SLC24A2: variants seen among roughly 807,000 people sequenced by gnomAD.
The protein encoded by SLC24A2 is sodium/potassium/calcium exchanger 2.
Under a neutral mutation model 62.0 loss-of-function variants are expected in SLC24A2, and 36 were observed. The ratio of observed to expected loss-of-function variants is 0.58; its 90% CI spans 0.44 to 0.77. The LOEUF (loss-of-function observed/expected upper bound fraction) is 0.77, where lower values mean the gene tolerates loss of function less well. SLC24A2 is among the 30% of genes least tolerant of loss of function. The pLI is 0.00. For synonymous variants in SLC24A2, 358 were observed against 294.0 expected, an observed-to-expected ratio of 1.22 and a Z score of -2.23; for missense variants, 846 against 817.9, an observed-to-expected ratio of 1.03 and a Z score of -0.42.
chr9:19,965,865 G>C, the SLC24A2 span, among the ~76,000 whole-genome samples: 5 of 152,106 alleles, frequency 3.3e-5, no homozygotes, highest in African/African-American at 1.2e-4. Context: ...CTTGAGACTG[G>C]AATGATCCTC....
the SLC24A2 span, among the ~76,000 whole-genome samples, chr9:20,229,780 C>T: frequency 7.9e-5 from 12 of 151,790 alleles, no homozygotes; most frequent in South Asian, 4.2e-4. Context: ...CTGTGCACAA[C>T]GTGCAGGTTT....
the SLC24A2 span, among the ~76,000 whole-genome samples, chr9:20,160,407 A>T: frequency 6.6e-6 from 1 of 151,508 alleles, no homozygotes; most frequent in Admixed American, 6.6e-5. Context: ...AAAATAAGTA[A>T]GGTTATAAAA....
At chr9:19,788,738 A>G (rs1823254180) in intron 1 of SLC24A2, 147 bp downstream of exon 1, 2 of 985,382 alleles carry the variant, frequency 2.0e-6, no homozygotes, top group South Asian at 9.4e-5. Context: ...AGAGTTGGCT[A>G]ACTCCTAGCG....
intron 2 of SLC24A2, among the ~76,000 whole-genome samples, chr9:19,690,084 C>A (rs1404855137): frequency 6.6e-6 from 1 of 152,118 alleles, no homozygotes; most frequent in Non-Finnish European, 1.5e-5. Context: ...GATGCCAGAT[C>A]ATGTGATTTC....
chr9:20,261,299 G>C, the SLC24A2 span, among the ~76,000 whole-genome samples: 1 of 152,028 alleles, frequency 6.6e-6, no homozygotes, highest in South Asian at 2.1e-4. Context: ...AAACTGAAAT[G>C]TATTTAGCTC....
chr9:19,741,475 A>G (rs1375729232), intron 2 of SLC24A2, among the ~76,000 whole-genome samples: 1 of 151,824 alleles, frequency 6.6e-6, no homozygotes, highest in Non-Finnish European at 1.5e-5. Flanking sequence ...CAGCCTCAAC[A>G]CTCTCTGCTC....
intron 2 of SLC24A2, among the ~76,000 whole-genome samples, chr9:19,663,337 A>G (rs549818658): frequency 1.3e-5 from 2 of 152,342 alleles, no homozygotes; most frequent in East Asian, 3.9e-4. Context: ...GTTCTAGAGC[A>G]GAAGCCTTCC....
chr9:20,186,428 CATCT>C, the SLC24A2 span, among the ~76,000 whole-genome samples: 1 of 152,152 alleles, frequency 6.6e-6, no homozygotes. Context: ...CTCTCTTCAC[CATCT>C]GTCTTCCTGG....
chr9:20,219,365 G>C, the SLC24A2 span, among the ~76,000 whole-genome samples: 3 of 152,166 alleles, frequency 2.0e-5, no homozygotes, highest in African/African-American at 7.2e-5. Flanking sequence ...GCTGGAGTTG[G>C]ACACTGACTT....
chr9:19,753,586 T>C (rs770391658), intron 2 of SLC24A2, among the ~76,000 whole-genome samples: 1 of 152,234 alleles, frequency 6.6e-6, no homozygotes, highest in Non-Finnish European at 1.5e-5. Context: ...ATTTCATTAC[T>C]GTGAGCAGTA....
chr9:19,706,410 C>T (rs1220684208), intron 2 of SLC24A2, among the ~76,000 whole-genome samples: 11 of 137,940 alleles, frequency 8.0e-5, no homozygotes, highest in South Asian at 4.6e-4. Flanking sequence ...GACGGAGTTT[C>T]GCTCTGTCGC....
At chr9:19,667,956 A>C (rs1819304351) in intron 2 of SLC24A2, among the ~76,000 whole-genome samples, 1 of 152,140 alleles carries the variant, frequency 6.6e-6, no homozygotes, top group South Asian at 2.1e-4. Context: ...CCATCTCAGC[A>C]GCCCTTTTGT....
At chr9:20,210,655 T>C in the SLC24A2 span, among the ~76,000 whole-genome samples, 1 of 37,876 alleles carries the variant, frequency 2.6e-5, no homozygotes, top group Admixed American at 2.2e-4. Context: ...TTTTTTTTTT[T>C]TTTTTTTTTT....
the SLC24A2 span, among the ~76,000 whole-genome samples, chr9:19,975,814 T>A: frequency 6.6e-6 from 1 of 152,180 alleles, no homozygotes; most frequent in Non-Finnish European, 1.5e-5. Flanking sequence ...GCCCTCCATA[T>A]CTGTGGGCCT....
At chr9:19,529,994 C>A (rs903583118) in intron 8 of SLC24A2, among the ~76,000 whole-genome samples, 2 of 151,666 alleles carry the variant, frequency 1.3e-5, no homozygotes, top group African/African-American at 4.8e-5. Flanking sequence ...CTCAGATGAT[C>A]TGCCTGCTTC....
the SLC24A2 span, among the ~76,000 whole-genome samples, chr9:20,203,846 T>C: frequency 3.3e-5 from 5 of 152,334 alleles, no homozygotes; most frequent in East Asian, 9.6e-4. Context: ...GCCTATGGTA[T>C]ATGCATATCA....
At chr9:19,794,153 C>G in the SLC24A2 span, among the ~76,000 whole-genome samples, 1 of 152,184 alleles carries the variant, frequency 6.6e-6, no homozygotes, top group Non-Finnish European at 1.5e-5. Context: ...CATGATTGCT[C>G]TTTCTTCTTT....
chr9:20,068,044 T>C, the SLC24A2 span, among the ~76,000 whole-genome samples: 3 of 151,558 alleles, frequency 2.0e-5, no homozygotes, highest in Admixed American at 1.3e-4. Context: ...CCAACATCTG[T>C]TATTTTTTGA....
chr9:20,013,276 T>C, the SLC24A2 span, among the ~76,000 whole-genome samples: 1 of 152,120 alleles, frequency 6.6e-6, no homozygotes, highest in South Asian at 2.1e-4. Context: ...CAACCAATTT[T>C]TGACAAAAAG....
Sources: allele counts gnomAD v4.1 joint callset (sites outside exome capture counted in the v4.1 genomes callset), GRCh38; gene constraint gnomAD v4.1.1; transcripts MANE v1.5; gene names NCBI Gene and HGNC (gene_info 2026-07-23, HGNC 2026-07-21).